Variants in MARCHF3 observed in about 807,000 individuals in gnomAD.
MARCHF3 encodes membrane associated ring-CH-type finger 3.
MARCHF3 carries 13 observed loss-of-function variants against 24.2 expected under a neutral mutation model. The observed-to-expected ratio is 0.54, with a 90% CI of 0.35 to 0.85. The LOEUF is 0.85. Among genes scored for constraint, MARCHF3 ranks in the 40% least tolerant of loss-of-function variants. The pLI is 0.01. For missense variants in MARCHF3, 276 were observed against 325.0 expected (o/e 0.85, Z 1.16); for synonymous variants, 144 against 137.3 (o/e 1.05, Z -0.34).
intron 1 of MARCHF3, among the ~76,000 whole-genome samples, chr5:126,998,807 T>C (rs190311041): frequency 1.2e-3 from 186 of 152,270 alleles, no homozygotes; most frequent in African/African-American, 4.1e-3. Context: ...CCACAATAAG[T>C]TGAGAAGCTG....
intron 1 of MARCHF3, among the ~76,000 whole-genome samples, chr5:127,024,657 C>G (rs1364254656): frequency 6.6e-6 from 1 of 152,160 alleles, no homozygotes; most frequent in African/African-American, 2.4e-5. Context: ...GGACTGGGAG[C>G]TAGTTCTTAT....
chr5:127,011,011 T>C (rs777635412), intron 1 of MARCHF3, among the ~76,000 whole-genome samples: 2 of 152,170 alleles, frequency 1.3e-5, no homozygotes, highest in African/African-American at 2.4e-5. Context: ...TGATTTAAGA[T>C]GTTAAATTTT....
intron 3 of MARCHF3, among the ~76,000 whole-genome samples, chr5:126,881,198 CT>C (rs1328772665): frequency 6.6e-6 from 1 of 152,090 alleles, no homozygotes; most frequent in African/African-American, 2.4e-5. Context: ...CTTGTTAACT[CT>C]AGTTTTGGGG....
intron 3 of MARCHF3, among the ~76,000 whole-genome samples, chr5:126,910,036 C>T (rs528201843): frequency 6.6e-6 from 1 of 152,198 alleles, no homozygotes; most frequent in Non-Finnish European, 1.5e-5. Flanking sequence ...TCTTATCAAT[C>T]AGCTGGTTGT....
At chr5:126,977,957 CAG>C in intron 1 of MARCHF3, among the ~76,000 whole-genome samples, 1 of 152,172 alleles carries the variant, frequency 6.6e-6, no homozygotes, top group South Asian at 2.1e-4. Context: ...AAGTAACTAA[CAG>C]ATATGAGAAA....
chr5:126,926,764 TCA>T (rs1397348846), intron 1 of MARCHF3, among the ~76,000 whole-genome samples: 1 of 151,886 alleles, frequency 6.6e-6, no homozygotes, highest in Non-Finnish European at 1.5e-5. Context: ...ACACTGAACC[TCA>T]GTTTCCCCCC....
In MARCHF3 at chr5:127,005,133, C is replaced by CTTT. The variant is rs937505290; in HGVS notation, c.-57+25214_-57+25216dup. On this transcript the variant is annotated intron_variant, in intron 1 of 4. Transcript: ENST00000308660. ...GGAATGACATACATGCTCAGAAAGT[C>CTTT]TTTTTTTTTTTTTTTTTTTTTGAGA... Among the ~76,000 whole-genome samples, 666 of 122,388 alleles carry CTTT rather than the reference C, an allele frequency of 5.4e-3. 25 individuals are homozygous for CTTT. Among genetic ancestry groups the CTTT allele is most frequent in the East Asian group, 0.015 (65 of 4,286 alleles). 80.3% of individuals were successfully genotyped at this position (122,388 alleles called of 152,430 possible). A position where few individuals can be genotyped will look rare whatever the true frequency, so the allele number is the denominator to read the frequency against.
chr5:127,001,337 T>A (rs1316240998), intron 1 of MARCHF3, among the ~76,000 whole-genome samples: 2 of 152,212 alleles, frequency 1.3e-5, no homozygotes, highest in Non-Finnish European at 2.9e-5. Flanking sequence ...TCTTGCCATC[T>A]TACAATAATG....
At chr5:126,922,207 G>GAGTT (rs1269628663) in intron 1 of MARCHF3, among the ~76,000 whole-genome samples, 1 of 152,182 alleles carries the variant, frequency 6.6e-6, no homozygotes, top group Non-Finnish European at 1.5e-5. Flanking sequence ...GGAGAATCAT[G>GAGTT]AGTTAGGGAA....
intron 4 of MARCHF3, among the ~76,000 whole-genome samples, chr5:126,872,051 A>G (rs1006833076): frequency 6.7e-6 from 1 of 149,332 alleles, no homozygotes; most frequent in Non-Finnish European, 1.5e-5. Context: ...GCAGTGACAT[A>G]ATGGTGCCTG....
In MARCHF3 at chr5:126,878,316, G is replaced by A; in HGVS notation, c.472C>T (p.Leu158=). 6.2e-7 allele frequency: 1 copy of A among 1,614,248 alleles called. No homozygotes were observed. Among genetic ancestry groups the A allele is most frequent in the South Asian group, 1.1e-5 (1 of 91,074 alleles). Residue 158 remains leucine, a synonymous_variant, in exon 4 of 5, where the codon CTG becomes TTG. Transcript: ENST00000308660. The part of the protein sequence containing the change: ...DMVCFLFITP[L]ATISGWLCLR... ...CACAGCCAGCCCGAGATGGTGGCCA[G>A]GGGAGTTATAAACAAGAAGCACACC...
At chr5:127,009,804 T>C (rs961870657) in intron 1 of MARCHF3, among the ~76,000 whole-genome samples, 1 of 152,132 alleles carries the variant, frequency 6.6e-6, no homozygotes, top group Non-Finnish European at 1.5e-5. Context: ...GGCTCTTCCA[T>C]GCAACACAGG....
At chr5:126,903,907 C>T (rs1170385834) in intron 3 of MARCHF3, among the ~76,000 whole-genome samples, 2 of 151,538 alleles carry the variant, frequency 1.3e-5, no homozygotes, top group Non-Finnish European at 2.9e-5. Flanking sequence ...TGGTGCGCCG[C>T]ACCTACTAAC....
At chr5:126,994,693 A>C (rs1171092174) in intron 1 of MARCHF3, among the ~76,000 whole-genome samples, 1 of 152,236 alleles carries the variant, frequency 6.6e-6, no homozygotes, top group African/African-American at 2.4e-5. Context: ...AACAGGATAT[A>C]TGTATATATG....
At chr5:126,877,461 A>G (rs1753195098) in intron 4 of MARCHF3, among the ~76,000 whole-genome samples, 1 of 152,208 alleles carries the variant, frequency 6.6e-6, no homozygotes, top group African/African-American at 2.4e-5. Context: ...AGAGAGATCA[A>G]ATGTTGCATT....
intron 1 of MARCHF3, among the ~76,000 whole-genome samples, chr5:126,961,014 C>A (rs552705174): frequency 2.0e-5 from 3 of 152,112 alleles, no homozygotes. Context: ...ATTCAGGTAA[C>A]TCCATGCTTC....
chr5:126,941,057 G>A (rs1443147817), intron 1 of MARCHF3, among the ~76,000 whole-genome samples: 1 of 152,132 alleles, frequency 6.6e-6, no homozygotes, highest in Non-Finnish European at 1.5e-5. Context: ...ATGGATGGTA[G>A]AAAATATAAA....
chr5:126,991,859 C>T (rs138477530), intron 1 of MARCHF3, among the ~76,000 whole-genome samples: 2 of 152,150 alleles, frequency 1.3e-5, no homozygotes, highest in South Asian at 4.1e-4. Flanking sequence ...TTTGTCAACT[C>T]TCCATATGCC....
At chr5:126,974,769 C>G (rs1751140351) in intron 1 of MARCHF3, among the ~76,000 whole-genome samples, 1 of 152,200 alleles carries the variant, frequency 6.6e-6, no homozygotes, top group Admixed American at 6.5e-5. Context: ...AACCTAAACT[C>G]TGCTTCTTAT....
Sources: allele counts gnomAD v4.1 joint callset (sites outside exome capture counted in the v4.1 genomes callset), GRCh38; gene constraint gnomAD v4.1.1; transcripts MANE v1.5; gene names NCBI Gene and HGNC (gene_info 2026-07-23, HGNC 2026-07-21).